The following RBFOX1 variants were observed in gnomAD, a reference collection of about 807,000 sequenced individuals.
RBFOX1 encodes the protein RNA binding fox-1 homolog 1, also known as RNA binding protein fox-1 homolog 1.
Under a neutral mutation model 57.7 loss-of-function variants are expected in RBFOX1, and 8 were observed. The ratio of observed to expected loss-of-function variants is 0.14; its 90% CI spans 0.08 to 0.25. The LOEUF is 0.25. RBFOX1 is among the 10% of genes least tolerant of loss of function. RBFOX1 has a pLI of 1.00. For missense variants in RBFOX1, 611 were observed against 548.5 expected (o/e 1.11, Z -1.14); for synonymous variants, 326 against 222.4 (o/e 1.47, Z -4.15).
chr16:7,042,840 C>A (rs1244983009), intron 3 of RBFOX1, among the ~76,000 whole-genome samples: 2 of 152,202 alleles, frequency 1.3e-5, no homozygotes, highest in Admixed American at 6.5e-5. Flanking sequence ...GCAGGAGAAT[C>A]ACTTGAACCT....
At chr16:7,191,339 GA>G (rs71147668) in intron 4 of RBFOX1, among the ~76,000 whole-genome samples, 68,820 of 142,700 alleles carry the variant, frequency 0.48, 15,881 homozygotes, top group Middle Eastern at 0.53. Flanking sequence ...GACAAAAAAA[GA>G]AAAAAAAAAA....
chr16:6,923,049 G>A (rs1005097267), intron 3 of RBFOX1, among the ~76,000 whole-genome samples: 2 of 152,116 alleles, frequency 1.3e-5, no homozygotes, highest in Non-Finnish European at 2.9e-5. Flanking sequence ...CAGTACCGTC[G>A]GCTGTTTATA....
At chr16:7,687,615 T>C (rs1370915164) in intron 14 of RBFOX1, among the ~76,000 whole-genome samples, 1 of 151,678 alleles carries the variant, frequency 6.6e-6, no homozygotes, top group East Asian at 1.9e-4. Flanking sequence ...GTCTAGCAAT[T>C]TTAACAACAA....
intron 3 of RBFOX1, among the ~76,000 whole-genome samples, chr16:5,642,907 C>T (rs2048929071): frequency 6.6e-6 from 1 of 152,182 alleles, no homozygotes; most frequent in African/African-American, 2.4e-5. Context: ...GGCTCCTTGC[C>T]TTTCTCACCT....
chr16:6,556,507 G>A (rs1381057938), intron 2 of RBFOX1, among the ~76,000 whole-genome samples: 1 of 152,100 alleles, frequency 6.6e-6, no homozygotes, highest in African/African-American at 2.4e-5. Context: ...GGAAGTCCAC[G>A]GCGCATTAAG....
intron 3 of RBFOX1, among the ~76,000 whole-genome samples, chr16:6,995,100 A>G (rs2092057092): frequency 6.6e-6 from 1 of 152,092 alleles, no homozygotes. Context: ...AAAATTCAGA[A>G]CAACCATAGT....
At position 6,151,320 on chromosome 16, in the gene RBFOX1, C is replaced by T. The variant is rs181044364; in HGVS notation, c.-127+131328C>T. Among the ~76,000 whole-genome samples the T allele has an allele frequency of 5.5e-4, 84 of 152,260 alleles. 1 individual carries two copies. The highest frequency in any genetic ancestry group is 9.4e-4 in the Non-Finnish European group (64 of 68,020). ...TCTTTTTTTGAGACGGAGTCTCACT[C>T]TGTCACCCAGGCTGGAGTGCAGTGG... On this transcript the variant is annotated intron_variant, in intron 1 of 15. Transcript: ENST00000550418.
chr16:5,643,273 A>G (rs969791955), intron 3 of RBFOX1, among the ~76,000 whole-genome samples: 6 of 152,168 alleles, frequency 3.9e-5, no homozygotes, highest in African/African-American at 1.4e-4. Flanking sequence ...TGTAAAAATG[A>G]TGTGGCTTCT....
At chr16:5,929,461 A>G (rs758966065) in intron 4 of RBFOX1, among the ~76,000 whole-genome samples, 1 of 152,178 alleles carries the variant, frequency 6.6e-6, no homozygotes, top group Non-Finnish European at 1.5e-5. Context: ...TCTGGGACTC[A>G]GTTTCCTCTC....
chr16:6,779,949 A>ATG (rs2080277148), intron 3 of RBFOX1, among the ~76,000 whole-genome samples: 2 of 72,802 alleles, frequency 2.7e-5, no homozygotes, highest in Admixed American at 2.5e-4. Flanking sequence ...ATATATATTT[A>ATG]TATATTTATA....
At chr16:7,610,472 AAG>A (rs1255316786) in intron 10 of RBFOX1, among the ~76,000 whole-genome samples, 1 of 151,764 alleles carries the variant, frequency 6.6e-6, no homozygotes, top group Non-Finnish European at 1.5e-5. Context: ...GAAATAAAAG[AAG>A]AGAGGTAACA....
intron 13 of RBFOX1, among the ~76,000 whole-genome samples, chr16:7,673,486 C>A (rs58481666): frequency 2.0e-5 from 3 of 152,150 alleles, no homozygotes; most frequent in African/African-American, 7.2e-5. Context: ...TTGGGAGGAT[C>A]GCTTGATCCC....
intron 4 of RBFOX1, among the ~76,000 whole-genome samples, chr16:7,494,311 G>A (rs555164628): frequency 1.7e-4 from 26 of 152,214 alleles, no homozygotes; most frequent in Middle Eastern, 3.4e-3. Flanking sequence ...TTTTAAAGGC[G>A]CCCTTTGGGG....
At chr16:6,927,652 A>G (rs887466010) in intron 3 of RBFOX1, among the ~76,000 whole-genome samples, 5 of 151,926 alleles carry the variant, frequency 3.3e-5, no homozygotes, top group Non-Finnish European at 5.9e-5. Flanking sequence ...GTTGAATAAT[A>G]GTGAGGATGT....
At chr16:6,153,952 A>T (rs2096820766) in intron 1 of RBFOX1, among the ~76,000 whole-genome samples, 1 of 152,202 alleles carries the variant, frequency 6.6e-6, no homozygotes, top group Non-Finnish European at 1.5e-5. Flanking sequence ...ATTTTATCAA[A>T]TACAGTATGT....
At chr16:7,536,713 C>T (rs779318992) in intron 5 of RBFOX1, among the ~76,000 whole-genome samples, 3 of 152,206 alleles carry the variant, frequency 2.0e-5, no homozygotes, top group Admixed American at 6.5e-5. Flanking sequence ...GAAGCCAGCT[C>T]TTAATGGCCT....
Position 6,218,453 on chromosome 16 carries a change from C to T in RBFOX1, c.-126-98542C>T, listed in dbSNP as rs554915013. Reference sequence around the variant, plus strand: ...CCTGCCGAGTAGCTGGGACTGCAGGCACCCACCACCACACCTGGCTAATTT... The same window carrying T: ...CCTGCCGAGTAGCTGGGACTGCAGGTACCCACCACCACACCTGGCTAATTT... On this transcript the variant is annotated intron_variant, in intron 1 of 15. Transcript: ENST00000550418. Among the ~76,000 whole-genome samples the T allele has an allele frequency of 2.6e-5, 4 of 152,172 alleles. No homozygotes were observed. In the East Asian group the frequency reaches 7.7e-4, roughly 29 times the overall value.
chr16:7,112,698 G>GTGTGTGTGTGTGTGTGTA, intron 4 of RBFOX1, among the ~76,000 whole-genome samples: 1 of 145,908 alleles, frequency 6.9e-6, no homozygotes, highest in Non-Finnish European at 1.5e-5. Context: ...GTGTCTCTCT[G>GTGTGTGTGTGTGTGTGTA]TCTGTCTGTC....
At chr16:6,529,572 ATT>A (rs1474497508) in intron 2 of RBFOX1, among the ~76,000 whole-genome samples, 4 of 90,762 alleles carry the variant, frequency 4.4e-5, no homozygotes, top group African/African-American at 1.5e-4. Flanking sequence ...AATAATAATT[ATT>A]ATTAATAATA....
Sources: allele counts gnomAD v4.1 joint callset (sites outside exome capture counted in the v4.1 genomes callset), GRCh38; gene constraint gnomAD v4.1.1; transcripts MANE v1.5; gene names NCBI Gene and HGNC (gene_info 2026-07-23, HGNC 2026-07-21).